SIPA1L1: variants seen among roughly 807,000 people sequenced by gnomAD.
The protein encoded by SIPA1L1 is signal induced proliferation associated 1 like 1.
Under a neutral mutation model 162.7 loss-of-function variants are expected in SIPA1L1, and 26 were observed. That is an observed-to-expected ratio of 0.16 (90% confidence interval 0.12 to 0.22). The LOEUF is 0.22. Among genes scored for constraint, SIPA1L1 ranks in the 10% least tolerant of loss-of-function variants. The pLI is 1.00. For missense variants in SIPA1L1, 1,874 were observed against 2,241.0 expected (o/e 0.84, Z 3.31); for synonymous variants, 829 against 837.4 (o/e 0.99, Z 0.17).
chr14:71,623,244 C>T (rs2039631455), intron 6 of SIPA1L1, among the ~76,000 whole-genome samples: 1 of 152,150 alleles, frequency 6.6e-6, no homozygotes, highest in African/African-American at 2.4e-5. Context: ...TTTGTAGCTC[C>T]TGTTGCTAAA....
chr14:71,369,721 G>GGAT (rs1217632507), intron 2 of SIPA1L1, among the ~76,000 whole-genome samples: 4 of 121,818 alleles, frequency 3.3e-5, no homozygotes, highest in African/African-American at 1.2e-4. Context: ...AGCTTGATGG[G>GGAT]GATGGCATTG....
intron 19 of SIPA1L1, among the ~76,000 whole-genome samples, chr14:71,729,708 GATTGT>G (rs2084582509): frequency 6.6e-6 from 1 of 152,204 alleles, no homozygotes; most frequent in Non-Finnish European, 1.5e-5. Flanking sequence ...GACTCAGAGA[GATTGT>G]ATGATTTGGT....
chr14:71,739,933 G>T lies in SIPA1L1; in HGVS notation c.*772G>T, dbSNP rs1035198512. 1 of 152,132 alleles carries T rather than the reference G, an allele frequency of 6.6e-6. No individual in the cohort carries two copies. The highest frequency in any genetic ancestry group is 1.5e-5 in the Non-Finnish European group (1 of 68,012). The allele number at this position is 152,132 out of a possible 1,614,324, so 9.4% of individuals were successfully genotyped here. A position where few individuals can be genotyped will look rare whatever the true frequency, so the allele number is the denominator to read the frequency against. ...GGCTTAATTGAGCCCCACTAAATTGGAATCAATCTCTCTTACAGCTTCCTG... is the reference window on the plus strand; with the variant it reads ...GGCTTAATTGAGCCCCACTAAATTGTAATCAATCTCTCTTACAGCTTCCTG... On this transcript the variant is annotated 3_prime_UTR_variant, in exon 24 of 24. Transcript: ENST00000381232.
chr14:71,590,042 AAAATAT>A (rs1332811453), intron 5 of SIPA1L1, among the ~76,000 whole-genome samples: 35 of 61,522 alleles, frequency 5.7e-4, no homozygotes, highest in African/African-American at 1.5e-3. Context: ...AAAAAAAAAA[AAAATAT>A]ATATATATAT....
intron 2 of SIPA1L1, among the ~76,000 whole-genome samples, chr14:71,343,736 C>T (rs2140456280): frequency 6.6e-6 from 1 of 152,248 alleles, no homozygotes; most frequent in Middle Eastern, 3.4e-3. Flanking sequence ...AATGTTTCTG[C>T]TGTTGTGGGG....
intron 4 of SIPA1L1, among the ~76,000 whole-genome samples, chr14:71,550,631 G>C (rs376898987): frequency 6.6e-6 from 1 of 151,858 alleles, no homozygotes; most frequent in Non-Finnish European, 1.5e-5. Context: ...TCAAAGCGAT[G>C]TTATCTAGTT....
intron 2 of SIPA1L1, among the ~76,000 whole-genome samples, chr14:71,487,373 G>A (rs2048856074): frequency 1.3e-5 from 2 of 152,184 alleles, no homozygotes; most frequent in Admixed American, 1.3e-4. Flanking sequence ...GATAGTTCCT[G>A]TAAATACTCC....
In SIPA1L1 at chr14:71,657,528, C is replaced by T. The variant is rs536501664; in HGVS notation, c.1994-805C>T. 6.6e-5 allele frequency among the ~76,000 whole-genome samples: 10 copies of T among 151,942 alleles called. No homozygotes were observed. In the South Asian group the frequency reaches 1.0e-3, roughly 16 times the overall value. On this transcript the variant is annotated intron_variant, in intron 8 of 23. Transcript: ENST00000381232. ...CCAGGTACTTGTGGGAACACTGATT[C>T]TGAAACTTTGTTAAGATAAAGGCAG... is the stretch of plus-strand genomic sequence containing the variant.
intron 4 of SIPA1L1, among the ~76,000 whole-genome samples, chr14:71,580,986 C>G (rs1280512348): frequency 6.6e-6 from 1 of 152,092 alleles, no homozygotes; most frequent in African/African-American, 2.4e-5. Flanking sequence ...GCCTGCCTGT[C>G]TATCTGTCTA....
intron 2 of SIPA1L1, among the ~76,000 whole-genome samples, chr14:71,494,659 TG>T (rs367610976): frequency 5.8e-4 from 88 of 152,080 alleles, no homozygotes; most frequent in African/African-American, 2.0e-3. Flanking sequence ...CAATAGTAGC[TG>T]GGACTATAGG....
At chr14:71,653,460 G>A (rs1023087171) in intron 8 of SIPA1L1, among the ~76,000 whole-genome samples, 1 of 152,010 alleles carries the variant, frequency 6.6e-6, no homozygotes, top group African/African-American at 2.4e-5. Flanking sequence ...TTTCTCTTTG[G>A]TATTCTGCCT....
chr14:71,340,155 T>A (rs1443824529), intron 2 of SIPA1L1, among the ~76,000 whole-genome samples: 4 of 152,224 alleles, frequency 2.6e-5, no homozygotes, highest in Non-Finnish European at 5.9e-5. Context: ...GTTTCTCCAA[T>A]GAAAGGCTGA....
At chr14:71,652,301 C>T (rs750961544) in intron 8 of SIPA1L1, among the ~76,000 whole-genome samples, 21 of 152,172 alleles carry the variant, frequency 1.4e-4, no homozygotes, top group African/African-American at 5.1e-4. Context: ...CAGCTGCCTC[C>T]TACTGGGCTG....
chr14:71,507,435 G>A (rs2050765284), intron 2 of SIPA1L1, among the ~76,000 whole-genome samples: 1 of 152,158 alleles, frequency 6.6e-6, no homozygotes, highest in Admixed American at 6.5e-5. Flanking sequence ...ATCTTTCTGT[G>A]TTAACCTTAA....
chr14:71,661,283 A>T (rs765303733), intron 9 of SIPA1L1, 27 bp from the exon 10 acceptor site: 6 of 1,608,230 alleles, frequency 3.7e-6, no homozygotes, highest in Non-Finnish European at 5.1e-6. Flanking sequence ...ATTGTTATTT[A>T]TGTTGGTTGC....
intron 4 of SIPA1L1, among the ~76,000 whole-genome samples, chr14:71,570,915 A>C (rs896337642): frequency 7.9e-5 from 12 of 151,916 alleles, no homozygotes; most frequent in African/African-American, 2.9e-4. Flanking sequence ...AGCCACCTGT[A>C]ATCCCAAGTA....
intron 4 of SIPA1L1, among the ~76,000 whole-genome samples, chr14:71,561,745 G>A (rs958616879): frequency 6.6e-6 from 1 of 152,036 alleles, no homozygotes; most frequent in Non-Finnish European, 1.5e-5. Context: ...GTGCCACCAC[G>A]CCCAGCTAAT....
chr14:71,411,044 A>C (rs529076161), intron 2 of SIPA1L1, among the ~76,000 whole-genome samples: 1 of 152,184 alleles, frequency 6.6e-6, no homozygotes, highest in African/African-American at 2.4e-5. Context: ...ATCAGGGAAA[A>C]GAACTTTTGA....
In SIPA1L1 at chr14:71,588,437, G is replaced by T; in HGVS notation, c.565G>T (p.Asp189Tyr). 1 of 1,614,122 alleles carries T rather than the reference G, an allele frequency of 6.2e-7. No homozygotes were observed. The highest frequency in any genetic ancestry group is 1.1e-5 in the South Asian group (1 of 91,084). The change falls in exon 5 of 24, where the codon GAT becomes TAT. Residue 189 changes from aspartate (D) to tyrosine (Y), a missense_variant. Asp to Tyr is a radical substitution (Grantham distance 160). Transcript: ENST00000381232. The surrounding 1 kb of genome is among the most constrained non-coding windows in gnomAD (Gnocchi z 4.3). Reference sequence around the variant, plus strand: ...AAGTGAACTTGATGTGGATAGCTTTGATGAATGTATCTCACCTACATACAA... The same window carrying T: ...AAGTGAACTTGATGTGGATAGCTTTTATGAATGTATCTCACCTACATACAA... The part of the protein sequence containing the change: ...TISELDVDSF[D>Y]ECISPTYKTG...
Sources: allele counts gnomAD v4.1 joint callset (sites outside exome capture counted in the v4.1 genomes callset), GRCh38; gene constraint gnomAD v4.1.1; non-coding constraint Gnocchi (gnomAD v3.1); transcripts MANE v1.5; gene names NCBI Gene and HGNC (gene_info 2026-07-23, HGNC 2026-07-21).